NID2: variants seen among roughly 807,000 people sequenced by gnomAD.
NID2 encodes the protein nidogen-2.
Under a neutral mutation model 145.4 loss-of-function variants are expected in NID2, and 83 were observed. The ratio of observed to expected loss-of-function variants is 0.57; its 90% CI spans 0.48 to 0.69. The LOEUF is 0.69. NID2 is among the 30% of genes least tolerant of loss of function. NID2 has a pLI of 0.00. For missense variants in NID2, 1,807 were observed against 1,765.7 expected (o/e 1.02, Z -0.42); for synonymous variants, 739 against 701.3 (o/e 1.05, Z -0.85).
intron 12 of NID2, 106 bp downstream of exon 12, chr14:52,027,095 T>G (rs750695751): frequency 1.7e-6 from 2 of 1,184,686 alleles, no homozygotes; most frequent in Non-Finnish European, 2.2e-6. Context: ...ACAAGGCTGT[T>G]AGAGTCAAAG....
Position 52,027,342 on chromosome 14 carries a change from T to G in NID2, c.2533A>C (p.Ile845Leu). ...FADDRHTCIL[I>L]TPPANPCEDG... is the part of the protein sequence containing the mutation. ...TCACAGGGGTTGGCAGGTGGGGTGATCACTGAAAAGAGAAGAAGATAAGGG... is the reference window on the plus strand; with the variant it reads ...TCACAGGGGTTGGCAGGTGGGGTGAGCACTGAAAAGAGAAGAAGATAAGGG... Residue 845 changes from isoleucine to leucine, a missense_variant and splice_region_variant, in exon 12 of 22, where the codon ATC becomes CTC. Ile to Leu is a conservative substitution (Grantham distance 5). Coordinates refer to ENST00000216286, the MANE Select transcript of NID2 (RefSeq NM_007361.4). 1 of 1,555,416 alleles carries G rather than the reference T, an allele frequency of 6.4e-7. No individual in the cohort carries two copies. The highest frequency in any genetic ancestry group is 8.7e-7 in the Non-Finnish European group (1 of 1,153,404).
In NID2 at chr14:52,008,127, A is replaced by G; in HGVS notation, c.3723-160T>C. ...AGTAGTGTCTTGCTTCTTCTAGTGC[A>G]TAGAGTATAGCAGAAGTGATAGGCT... is the stretch of plus-strand genomic sequence containing the variant. On this transcript the variant is annotated intron_variant, in intron 18 of 21. Transcript: ENST00000216286. 1.9e-5 allele frequency: 11 copies of G among 592,938 alleles called. 1 individual carries two copies. The South Asian group carries it at 2.2e-4, about 12-fold the overall frequency. 36.7% of individuals were successfully genotyped at this position (592,938 alleles called of 1,614,324 possible). A position where few individuals can be genotyped will look rare whatever the true frequency, so the allele number is the denominator to read the frequency against.
At chr14:52,018,159 C>T (rs936565338) in intron 14 of NID2, among the ~76,000 whole-genome samples, 1 of 152,190 alleles carries the variant, frequency 6.6e-6, no homozygotes, top group Non-Finnish European at 1.5e-5. Context: ...ATTGGTAATT[C>T]TCCAGTTCTT....
Position 52,068,845 on chromosome 14 carries a change from T to C in NID2, c.150A>G (p.Glu50=), listed in dbSNP as rs767693689. 2 of 1,613,188 alleles carry C rather than the reference T, an allele frequency of 1.2e-6. No individual in the cohort carries two copies. Among genetic ancestry groups the C allele is most frequent in the African/African-American group, 1.3e-5 (1 of 74,942 alleles). Residue 50 remains glutamate (E), a synonymous_variant, in exon 1 of 22, where the codon GAA becomes GAG. Transcript: ENST00000216286. The part of the protein sequence containing the change: ...GESWGDQLLQ[E]GDDESSAVVK... ...CCACGGCTGAGCTTTCGTCGTCGCC[T>C]TCCTGCAGGAGCTGGTCCCCCCACG...
intron 16 of NID2, 95 bp from the exon 17 acceptor site, chr14:52,011,778 A>G (rs1273399194): frequency 2.9e-6 from 4 of 1,388,830 alleles, no homozygotes; most frequent in African/African-American, 1.4e-5. Flanking sequence ...GCAGTGAGCA[A>G]CACTGCACTG....
chr14:52,020,043 GC>G lies in NID2; in HGVS notation c.2794+15del, dbSNP rs1487301682. On this transcript the variant is annotated intron_variant, in intron 13 of 21. Coordinates refer to ENST00000216286, the MANE Select transcript of NID2 (RefSeq NM_007361.4). The stretch of plus-strand genomic sequence containing the variant: ...CTAAGAGATTCATGTGCCTAATCTG[GC>G]CCTCTGAAACTTACCAGGTATGCAC... 1 of 1,613,038 alleles carries G rather than the reference GC, an allele frequency of 6.2e-7. No individual in the cohort carries two copies. The highest frequency in any genetic ancestry group is 2.2e-5 in the East Asian group (1 of 44,872).
chr14:52,019,914 A>G, intron 13 of NID2, 145 bp downstream of exon 13: 1 of 1,094,954 alleles, frequency 9.1e-7, no homozygotes, highest in African/African-American at 1.6e-5. Context: ...ACTAGGCAGC[A>G]GGAGGTAACC....
At chr14:52,059,986 G>C (rs916660901) in intron 3 of NID2, 138 bp downstream of exon 3, 1 of 566,110 alleles carries the variant, frequency 1.8e-6, no homozygotes, top group Non-Finnish European at 3.0e-6. Flanking sequence ...GTTGAATCTA[G>C]TTCCTTGGTT....
chr14:52,050,635 A>G (rs1180533496), intron 5 of NID2, among the ~76,000 whole-genome samples: 1 of 151,906 alleles, frequency 6.6e-6, no homozygotes, highest in Non-Finnish European at 1.5e-5. Context: ...TTTTCAGACA[A>G]TATTTCTCTC....
chr14:52,013,734 G>A (rs1183733394), intron 16 of NID2, among the ~76,000 whole-genome samples: 1 of 152,106 alleles, frequency 6.6e-6, no homozygotes, highest in Non-Finnish European at 1.5e-5. Context: ...TCCTCTCCCA[G>A]CATCACACAC....
At chr14:52,042,402 G>A in intron 6 of NID2, 52 bp from the exon 7 acceptor site, 1 of 1,542,094 alleles carries the variant, frequency 6.5e-7, no homozygotes, top group African/African-American at 1.4e-5. Context: ...GCTAGAGATG[G>A]GTGTACCCAG....
At position 52,038,836 on chromosome 14, in the gene NID2, T is replaced by C. The variant is rs1242158390; in HGVS notation, c.2168A>G (p.Gln723Arg). 1.2e-6 allele frequency: 2 copies of C among 1,613,912 alleles called. No individual in the cohort carries two copies. The highest frequency in any genetic ancestry group is 1.1e-5 in the South Asian group (1 of 91,048). Residue 723 changes from glutamine to arginine, a missense_variant, in exon 9 of 22, where the codon CAG (glutamine) becomes CGG (arginine). Gln to Arg is a conservative substitution (Grantham distance 43). Coordinates refer to ENST00000216286, the MANE Select transcript of NID2 (RefSeq NM_007361.4). Reference sequence around the variant, plus strand: ...GGCAAAGACCCGGTCCACGTTCAGCTGCTGGGTGGTGGGGAAGGACGGGTG... The same window carrying C: ...GGCAAAGACCCGGTCCACGTTCAGCCGCTGGGTGGTGGGGAAGGACGGGTG... ...PRHPSFPTTQ[Q>R]LNVDRVFALY...
chr14:52,011,074 G>C, intron 17 of NID2, 27 bp from the exon 18 acceptor site: 1 of 1,607,288 alleles, frequency 6.2e-7, no homozygotes, highest in Non-Finnish European at 8.5e-7. Flanking sequence ...GTCAGGACTG[G>C]AGTGTTTGCA....
At chr14:52,022,973 T>G (rs555619318) in intron 12 of NID2, among the ~76,000 whole-genome samples, 1 of 152,296 alleles carries the variant, frequency 6.6e-6, no homozygotes, top group South Asian at 2.1e-4. Context: ...TCTGTTCAAT[T>G]GGGCACCCTG....
chr14:52,039,138 T>C (rs1392796875), intron 8 of NID2, among the ~76,000 whole-genome samples, 161 bp from the exon 9 acceptor site: 1 of 152,180 alleles, frequency 6.6e-6, no homozygotes, highest in Non-Finnish European at 1.5e-5. Flanking sequence ...CCCAAAAACC[T>C]GAGTGGATGC....
At chr14:52,059,652 G>T (rs1393795945) in intron 3 of NID2, among the ~76,000 whole-genome samples, 1 of 152,254 alleles carries the variant, frequency 6.6e-6, no homozygotes. Flanking sequence ...AATGAAGCCA[G>T]AGAGACATCC....
At position 52,007,594 on chromosome 14, in the gene NID2, C is replaced by T. The variant is rs1228171327; in HGVS notation, c.3880+216G>A. ...GGCACTCATGGTCAGGCAAGCAGTA[C>T]AAACTTACTGCTTGATATATCCTTC... On this transcript the variant is annotated intron_variant, in intron 19 of 21. Transcript: ENST00000216286. 9.1e-6 allele frequency: 5 copies of T among 547,674 alleles called. No homozygotes were observed. In the East Asian group the frequency reaches 1.3e-4, roughly 14 times the overall value. 33.9% of individuals were successfully genotyped at this position (547,674 alleles called of 1,614,324 possible).
In NID2 at chr14:52,015,062, G is replaced by C. The variant is rs751054308; in HGVS notation, c.3242C>G (p.Thr1081Ser). ...VQGTRSQPGT[T>S]PACIPTVAPP... ...GGCGGCCAGGTGCTTACACGCAGGG[G>C]TGGTGCCTGGCTGGGAGCGGGTGCC... Residue 1081 changes from threonine to serine, a missense_variant, in exon 15 of 22, where the codon ACC (threonine) becomes AGC (serine). Thr to Ser is a moderately conservative substitution (Grantham distance 58). Coordinates refer to ENST00000216286, the MANE Select transcript of NID2 (RefSeq NM_007361.4). The C allele has an allele frequency of 6.2e-7, 1 of 1,613,304 alleles. No homozygotes were observed. Among genetic ancestry groups the C allele is most frequent in the Admixed American group, 1.7e-5 (1 of 59,964 alleles).
Position 52,068,180 on chromosome 14 carries a change from A to G in NID2, c.229-17T>C. The G allele has an allele frequency of 1.2e-6, 2 of 1,610,880 alleles. No individual in the cohort carries two copies. Among genetic ancestry groups the G allele is most frequent in the Non-Finnish European group, 1.7e-6 (2 of 1,178,590 alleles). On this transcript the variant is annotated splice_polypyrimidine_tract_variant and intron_variant, in intron 1 of 21. Transcript: ENST00000216286. ...GGTGCCCACCTGGGAGAGGAGAGGG[A>G]CAAAAAGGTGACAGTCGCTCAAGCC...
Sources: gnomAD v4.1 joint callset for allele counts (sites outside exome capture counted in the v4.1 genomes callset) on GRCh38, gnomAD v4.1.1 for gene constraint, MANE v1.5 for transcripts, NCBI Gene and HGNC (gene_info 2026-07-23, HGNC 2026-07-21) for gene names.